Variants in MVK observed in about 807,000 individuals in gnomAD.
MVK encodes the protein LH receptor mRNA-binding protein.
Under a neutral mutation model 43.2 loss-of-function variants are expected in MVK, and 34 were observed. The ratio of observed to expected loss-of-function variants is 0.79; its 90% CI spans 0.60 to 1.05. The LOEUF is 1.05. MVK is among the 50% of genes least tolerant of loss of function. MVK has a pLI of 0.00. For synonymous variants in MVK, 190 were observed against 219.8 expected (o/e 0.86, Z 1.20); for missense variants, 395 against 504.0 (o/e 0.78, Z 2.07).
intron 7 of MVK, chr12:109,587,062 C>CTCAT (rs1422584422): frequency 4.0e-6 from 2 of 501,852 alleles, no homozygotes; most frequent in Non-Finnish European, 7.3e-6. Flanking sequence ...CTCTCAGCTG[C>CTCAT]TCATTCATTC....
At chr12:109,594,300 T>A (rs2136251582) in intron 9 of MVK, among the ~76,000 whole-genome samples, 1 of 152,340 alleles carries the variant, frequency 6.6e-6, no homozygotes, top group African/African-American at 2.4e-5. Flanking sequence ...ACATGCATCT[T>A]GTTGGATCCT....
In MVK at chr12:109,581,514, T is replaced by A. The variant is rs1566144977; in HGVS notation, c.491T>A (p.Ile164Asn). Residue 164 changes from isoleucine (I) to asparagine (N), a missense_variant, in exon 5 of 11, where the codon ATC becomes AAC. By Grantham distance (149) the Ile-to-Asn change is moderately radical. Transcript: ENST00000228510. ...GCCCTCCTGACTGTGTGCGAGGAGA[T>A]CCCAAACCCGCTGAAGGACGGGGAT... ...AAALLTVCEE[I>N]PNPLKDGDCV... 1 of 1,614,154 alleles carries A rather than the reference T, an allele frequency of 6.2e-7. No individual in the cohort carries two copies. Among genetic ancestry groups the A allele is most frequent in the Non-Finnish European group, 8.5e-7 (1 of 1,180,010 alleles).
At chr12:109,590,672 C>T (rs1445126719) in intron 7 of MVK, 99 bp from the exon 8 acceptor site, 2 of 1,058,576 alleles carry the variant, frequency 1.9e-6, no homozygotes, top group Admixed American at 1.7e-5. Flanking sequence ...TCCCTTCTTC[C>T]TCCGTATCAG....
rs1179660794 is a variant in MVK at position 109,580,712 on chromosome 12, G to A, written c.372-683G>A. Reference sequence around the variant, plus strand: ...ATTTGGGAAATGGGAAAAGCACTTCGTGGAAATTACCAAACATGAAGTTTG... The same window carrying A: ...ATTTGGGAAATGGGAAAAGCACTTCATGGAAATTACCAAACATGAAGTTTG... On this transcript the variant is annotated intron_variant, in intron 4 of 10. Coordinates refer to ENST00000228510, the MANE Select transcript of MVK (RefSeq NM_000431.4). 2.6e-5 allele frequency among the ~76,000 whole-genome samples: 4 copies of A among 152,198 alleles called. No individual in the cohort carries two copies. The East Asian group carries it at 5.8e-4, about 22-fold the overall frequency.
At chr12:109,591,210 C>T (rs1273330795) in intron 8 of MVK, 31 bp from the exon 9 acceptor site, 3 of 1,606,428 alleles carry the variant, frequency 1.9e-6, no homozygotes, top group East Asian at 2.2e-5. Context: ...GCCCCCAGGC[C>T]TCACCAGCCG....
At chr12:109,588,895 C>G (rs986394028) in intron 7 of MVK, 2 of 152,240 alleles carry the variant, frequency 1.3e-5, no homozygotes, top group Admixed American at 1.3e-4. Flanking sequence ...GGGTCAGAGG[C>G]TACAAAGAGA....
In MVK at chr12:109,595,313, G is replaced by C; in HGVS notation, c.1039+132G>C. On this transcript the variant is annotated intron_variant, in intron 10 of 10. Transcript: ENST00000228510. This position sits in a 1 kb window ranked among gnomAD's most constrained non-coding sequence, Gnocchi z 5.9. ...CCGCTGTGTGGCCTTGGGCAAGTTA[G>C]TTAACCTCTGGTCTTTGCTTCCTCA... is the stretch of plus-strand genomic sequence containing the variant. 1.8e-6 allele frequency: 2 copies of C among 1,141,484 alleles called. No individual in the cohort carries two copies. Among genetic ancestry groups the C allele is most frequent in the Non-Finnish European group, 2.5e-6 (2 of 816,226 alleles). 70.7% of individuals were successfully genotyped at this position (1,141,484 alleles called of 1,614,324 possible).
In MVK at chr12:109,594,856, T is replaced by C. The variant is rs72648041; in HGVS notation, c.886-172T>C. On this transcript the variant is annotated intron_variant, in intron 9 of 10. Coordinates refer to ENST00000228510, the MANE Select transcript of MVK (RefSeq NM_000431.4). Reference sequence around the variant, plus strand: ...TCTACCCAAGCTCCGTGAGAAATGCTGCAGGGCAGAAGGATTCTTTTACAA... The same window carrying C: ...TCTACCCAAGCTCCGTGAGAAATGCCGCAGGGCAGAAGGATTCTTTTACAA... Among the ~76,000 whole-genome samples, 1,420 of 152,328 alleles carry C rather than the reference T, an allele frequency of 9.3e-3. 123 individuals are homozygous for C. In the East Asian group the frequency reaches 0.2, roughly 22 times the overall value.
At chr12:109,586,842 G>C (rs2136238289) in intron 7 of MVK, 43 bp downstream of exon 7, 10 of 1,610,194 alleles carry the variant, frequency 6.2e-6, no homozygotes, top group Non-Finnish European at 7.6e-6. Context: ...TGGCTGCATT[G>C]ATGTGTGCAG....
intron 6 of MVK, among the ~76,000 whole-genome samples, 195 bp from the exon 7 acceptor site, chr12:109,586,559 C>A (rs988396922): frequency 2.0e-5 from 3 of 152,208 alleles, no homozygotes; most frequent in African/African-American, 7.2e-5. Flanking sequence ...CAAGGCCTGG[C>A]AAGAGCTTCC....
chr12:109,584,169 A>T (rs1885342255), intron 5 of MVK, among the ~76,000 whole-genome samples: 1 of 152,230 alleles, frequency 6.6e-6, no homozygotes, highest in Non-Finnish European at 1.5e-5. Flanking sequence ...ACCATTTCTC[A>T]ATGGTCCATT....
At chr12:109,594,324 G>A (rs541432714) in intron 9 of MVK, among the ~76,000 whole-genome samples, 1 of 152,322 alleles carries the variant, frequency 6.6e-6, no homozygotes, top group Admixed American at 6.5e-5. Context: ...AGAGCAGGAA[G>A]TTTATCCTGC....
At chr12:109,579,369 G>C (rs941144412) in intron 3 of MVK, 2 of 353,434 alleles carry the variant, frequency 5.7e-6, no homozygotes, top group East Asian at 1.5e-4. Context: ...CAAACTCCTA[G>C]GCACAAGTGA....
upstream of MVK, chr12:109,573,335 C>A: frequency 1.2e-6 from 2 of 1,613,164 alleles, no homozygotes; most frequent in East Asian, 4.5e-5. Flanking sequence ...GCCCTTCCCG[C>A]CAGCCACTCA....
At chr12:109,593,349 C>T (rs561889755) in intron 9 of MVK, among the ~76,000 whole-genome samples, 53 of 152,346 alleles carry the variant, frequency 3.5e-4, no homozygotes, top group Admixed American at 2.3e-3. Context: ...CCTGCCTGAC[C>T]GGCCATCCCC....
At chr12:109,593,559 G>C (rs1456452598) in intron 9 of MVK, among the ~76,000 whole-genome samples, 1 of 152,090 alleles carries the variant, frequency 6.6e-6, no homozygotes, top group East Asian at 1.9e-4. Context: ...TACTAGCTCA[G>C]TGATCGTGGG....
At chr12:109,580,100 G>A (rs1310844752) in intron 4 of MVK, among the ~76,000 whole-genome samples, 154 bp downstream of exon 4, 1 of 152,118 alleles carries the variant, frequency 6.6e-6, no homozygotes, top group Non-Finnish European at 1.5e-5. Flanking sequence ...TGCCAGGCAC[G>A]GTATATATGG....
At position 109,574,987 on chromosome 12, in the gene MVK, A is replaced by T; in HGVS notation, c.78+87A>T. ...AGAAGGTAAAAGGACACCCTGAGGC[A>T]CAGCTTGGGAGCAGATCAGAGAGAT... On this transcript the variant is annotated intron_variant, in intron 2 of 10. Coordinates refer to ENST00000228510, the MANE Select transcript of MVK (RefSeq NM_000431.4). The T allele has an allele frequency of 3.0e-6, 4 of 1,319,926 alleles. 1 individual carries two copies. In the Admixed American group the frequency reaches 7.9e-5, roughly 26 times the overall value. The allele number at this position is 1,319,926 out of a possible 1,614,324, so 81.8% of individuals were successfully genotyped here.
At chr12:109,573,644 T>A, upstream of MVK, 1 of 840,514 alleles carries the variant, frequency 1.2e-6, no homozygotes, top group Non-Finnish European at 1.9e-6. Flanking sequence ...CCCATTGGTT[T>A]AACGGAAGGA....
Sources: gnomAD v4.1 joint callset for allele counts (sites outside exome capture counted in the v4.1 genomes callset) on GRCh38, gnomAD v4.1.1 for gene constraint, Gnocchi (gnomAD v3.1) non-coding constraint, MANE v1.5 for transcripts, NCBI Gene and HGNC (gene_info 2026-07-23, HGNC 2026-07-21) for gene names.